RAPGEF1: variants seen among roughly 807,000 people sequenced by gnomAD.
The protein encoded by RAPGEF1 is Rap guanine nucleotide exchange factor 1.
Under a neutral mutation model 143.3 loss-of-function variants are expected in RAPGEF1, and 33 were observed. The ratio of observed to expected loss-of-function variants is 0.23; its 90% CI spans 0.17 to 0.31. The LOEUF is 0.31. RAPGEF1 is among the 10% of genes least tolerant of loss of function. The pLI is 1.00. For synonymous variants in RAPGEF1, 629 were observed against 676.5 expected, an observed-to-expected ratio of 0.93 and a Z score of 1.09; for missense variants, 1,199 against 1,645.4, an observed-to-expected ratio of 0.73 and a Z score of 4.69.
At chr9:131,739,483 G>T (rs1038207425) in intron 1 of RAPGEF1, among the ~76,000 whole-genome samples, 14 of 152,026 alleles carry the variant, frequency 9.2e-5, no homozygotes, top group Admixed American at 7.9e-4. Context: ...AGCCATTTTC[G>T]GAAGTTCCCG....
rs774507538 is a variant in RAPGEF1, at chr9:131,590,017, G to A, written c.2775-39C>T. 6.4e-6 allele frequency: 10 copies of A among 1,568,278 alleles called. No individual in the cohort carries two copies. In the East Asian group the frequency reaches 1.1e-4, roughly 18 times the overall value. ...TAAAGAAATAGCCATGTGGTCGGCT[G>A]AGGGTGGTGGAGTGGAGGACTGACT... On this transcript the variant is annotated intron_variant, in intron 18 of 26. Transcript: ENST00000683357.
At chr9:131,606,474 A>G (rs1279247329) in intron 12 of RAPGEF1, among the ~76,000 whole-genome samples, 1 of 152,228 alleles carries the variant, frequency 6.6e-6, no homozygotes, top group Non-Finnish European at 1.5e-5. Flanking sequence ...GGCCCACTAC[A>G]GAGGCAGGGA....
chr9:131,684,088 C>A (rs1339577026), intron 1 of RAPGEF1, among the ~76,000 whole-genome samples: 3 of 152,224 alleles, frequency 2.0e-5, no homozygotes, highest in Non-Finnish European at 4.4e-5. Context: ...TACAGCATTA[C>A]CTGGAAAGAA....
intron 12 of RAPGEF1, among the ~76,000 whole-genome samples, chr9:131,609,686 G>A (rs1412150516): frequency 2.0e-5 from 3 of 152,196 alleles, no homozygotes; most frequent in African/African-American, 7.2e-5. Flanking sequence ...GATGCTGGAG[G>A]CTGATGACCT....
intron 1 of RAPGEF1, among the ~76,000 whole-genome samples, chr9:131,703,234 A>C (rs1002353480): frequency 1.1e-4 from 17 of 152,190 alleles, no homozygotes; most frequent in Non-Finnish European, 4.4e-5. Flanking sequence ...TCCTGAGCTC[A>C]AGTGATCCTC....
intron 1 of RAPGEF1, among the ~76,000 whole-genome samples, chr9:131,659,920 G>A (rs868475965): frequency 1.1e-4 from 17 of 152,134 alleles, no homozygotes; most frequent in Middle Eastern, 3.4e-3. Context: ...CTGGGTTCAC[G>A]CCATTCTCCT....
At chr9:131,704,709 T>C (rs2131151315) in intron 1 of RAPGEF1, among the ~76,000 whole-genome samples, 1 of 151,346 alleles carries the variant, frequency 6.6e-6, no homozygotes, top group South Asian at 2.1e-4. Flanking sequence ...ATGAACACTG[T>C]AAGCAACTCT....
chr9:131,591,951 G>A, intron 18 of RAPGEF1, 148 bp downstream of exon 18: 1 of 577,624 alleles, frequency 1.7e-6, no homozygotes, highest in Non-Finnish European at 3.1e-6. Flanking sequence ...GGGAACCTCG[G>A]TCCATGGGGC....
intron 1 of RAPGEF1, among the ~76,000 whole-genome samples, chr9:131,736,212 C>A (rs557833556): frequency 2.6e-4 from 40 of 152,292 alleles, no homozygotes; most frequent in Non-Finnish European, 4.3e-4. Context: ...TGCCCACAAG[C>A]TCACCCTGGG....
chr9:131,635,490 C>A (rs74421145), intron 5 of RAPGEF1, among the ~76,000 whole-genome samples: 1 of 152,190 alleles, frequency 6.6e-6, no homozygotes, highest in South Asian at 2.1e-4. Flanking sequence ...AGTGTAAGAA[C>A]GTCCAACGCC....
At chr9:131,738,509 G>T (rs1837559227) in intron 1 of RAPGEF1, among the ~76,000 whole-genome samples, 1 of 152,104 alleles carries the variant, frequency 6.6e-6, no homozygotes, top group African/African-American at 2.4e-5. Context: ...CAAGCGCCCT[G>T]CCCCTGAGAA....
At chr9:131,606,979 C>T (rs977260816) in intron 12 of RAPGEF1, among the ~76,000 whole-genome samples, 3 of 152,156 alleles carry the variant, frequency 2.0e-5, no homozygotes, top group Non-Finnish European at 4.4e-5. Flanking sequence ...TACCGTAACT[C>T]GAGGGACAAC....
At chr9:131,582,429 G>A (rs894967772) in intron 25 of RAPGEF1, among the ~76,000 whole-genome samples, 176 bp downstream of exon 25, 7 of 151,898 alleles carry the variant, frequency 4.6e-5, no homozygotes, top group Non-Finnish European at 1.0e-4. Flanking sequence ...TTATATATAT[G>A]TATTGTATAT....
At chr9:131,718,706 C>G (rs1203997148) in intron 1 of RAPGEF1, among the ~76,000 whole-genome samples, 1 of 152,070 alleles carries the variant, frequency 6.6e-6, no homozygotes, top group Non-Finnish European at 1.5e-5. Context: ...TAGGGGAACC[C>G]AAGGTGAGTT....
intron 18 of RAPGEF1, 133 bp downstream of exon 18, chr9:131,591,966 G>T: frequency 1.6e-6 from 1 of 644,118 alleles, no homozygotes. Flanking sequence ...TGGGGCTCCT[G>T]TGTCCCTACT....
At chr9:131,649,626 C>T (rs965307425) in intron 3 of RAPGEF1, among the ~76,000 whole-genome samples, 4 of 152,144 alleles carry the variant, frequency 2.6e-5, no homozygotes, top group African/African-American at 9.7e-5. Flanking sequence ...ATGTAAAGCA[C>T]TCAGCACTGG....
intron 1 of RAPGEF1, among the ~76,000 whole-genome samples, chr9:131,726,440 A>G (rs1836674357): frequency 6.6e-6 from 1 of 152,024 alleles, no homozygotes. Context: ...CATCCTGGCC[A>G]ATGTGGTGAA....
intron 18 of RAPGEF1, among the ~76,000 whole-genome samples, chr9:131,590,300 T>G (rs1953995702): frequency 6.6e-6 from 1 of 151,654 alleles, no homozygotes; most frequent in African/African-American, 2.4e-5. Context: ...ACGTAGAGAG[T>G]GCCTTGCTGA....
At chr9:131,713,219 A>C (rs895700677) in intron 1 of RAPGEF1, among the ~76,000 whole-genome samples, 4 of 152,186 alleles carry the variant, frequency 2.6e-5, no homozygotes, top group Admixed American at 2.0e-4. Context: ...AACTGCCTTC[A>C]ATCAGACCCG....
Sources: allele counts gnomAD v4.1 joint callset (sites outside exome capture counted in the v4.1 genomes callset), GRCh38; gene constraint gnomAD v4.1.1; transcripts MANE v1.5; gene names NCBI Gene and HGNC (gene_info 2026-07-23, HGNC 2026-07-21).